Variants in RPS24 observed in about 807,000 individuals in gnomAD.
The protein encoded by RPS24 is small ribosomal subunit protein eS24.
For synonymous variants in RPS24, 72 were observed against 55.6 expected (o/e 1.30, Z -1.31); for missense variants, 100 against 162.5 (o/e 0.62, Z 2.09).
chr10:78,040,162 T>A, intron 4 of RPS24, 42 bp from the exon 5 acceptor site: 1 of 1,601,868 alleles, frequency 6.2e-7, no homozygotes, highest in East Asian at 2.2e-5. Flanking sequence ...AAATCTTTCT[T>A]TTCCCTCCTT....
chr10:78,051,910 T>A (rs1848102042), intron 4 of RPS24, among the ~76,000 whole-genome samples: 2 of 152,322 alleles, frequency 1.3e-5, no homozygotes, highest in South Asian at 4.1e-4. Context: ...ATGGGGTGAT[T>A]TGTCTTTTTA....
At chr10:78,056,731 G>A (rs1219408064) in exon 5 of RPS24, 8 of 152,252 alleles carry the variant, frequency 5.3e-5, no homozygotes, top group Admixed American at 5.2e-4. Context: ...AACAGCCAGA[G>A]TCTTGCTCAA....
In RPS24 at chr10:78,034,138, G is replaced by A. The variant is rs868797026; in HGVS notation, c.3+234G>A. 12 of 445,634 alleles carry A rather than the reference G, an allele frequency of 2.7e-5. 1 individual carries two copies. In the Middle Eastern group the frequency reaches 2.0e-3, roughly 74 times the overall value. The allele number at this position is 445,634 out of a possible 1,614,324, so 27.6% of individuals were successfully genotyped here. A position where few individuals can be genotyped will look rare whatever the true frequency, so the allele number is the denominator to read the frequency against. On this transcript the variant is annotated intron_variant, in intron 1 of 5. Transcript: ENST00000372360. ...GGGCTCCAGCGCCTGGGCAGTGCAG[G>A]AGCTGTTGCGCTTGTTGACTTCGTG...
intron 4 of RPS24, among the ~76,000 whole-genome samples, chr10:78,047,785 G>A (rs1364217978): frequency 1.3e-5 from 2 of 152,206 alleles, no homozygotes; most frequent in Non-Finnish European, 2.9e-5. Flanking sequence ...TATTGGGGGA[G>A]GTGGGGGCCG....
chr10:78,049,409 G>T (rs1402911918), intron 4 of RPS24, among the ~76,000 whole-genome samples: 1 of 152,150 alleles, frequency 6.6e-6, no homozygotes, highest in Non-Finnish European at 1.5e-5. Flanking sequence ...TTAGGGAGGA[G>T]GCCTTCTGCT....
In RPS24 at chr10:78,040,600, T is replaced by A; in HGVS notation, c.*20-15T>A. On this transcript the variant is annotated splice_polypyrimidine_tract_variant and intron_variant, in intron 5 of 5. Transcript: ENST00000372360. ...AAGGCAGTTGTTGACTAAACTTCTT[T>A]CTCTTGATTCACAGCCGAAGGAGTA... 2 of 1,607,678 alleles carry A rather than the reference T, an allele frequency of 1.2e-6. No individual in the cohort carries two copies. Among genetic ancestry groups the A allele is most frequent in the Non-Finnish European group, 1.7e-6 (2 of 1,174,054 alleles).
At chr10:78,040,319 T>C (rs1847966006) in intron 5 of RPS24, 94 bp downstream of exon 5, 8 of 1,009,290 alleles carry the variant, frequency 7.9e-6, no homozygotes, top group South Asian at 7.9e-5. Flanking sequence ...GTAGTACATC[T>C]AGAAGTAGAT....
chr10:78,052,097 C>T (rs888125175), intron 4 of RPS24, among the ~76,000 whole-genome samples: 3 of 152,110 alleles, frequency 2.0e-5, no homozygotes, highest in Admixed American at 2.0e-4. Flanking sequence ...TTGATCTCGG[C>T]TCACTGCAAC....
chr10:78,048,054 T>C (rs748809236), intron 4 of RPS24, among the ~76,000 whole-genome samples: 5 of 152,166 alleles, frequency 3.3e-5, no homozygotes, highest in African/African-American at 1.2e-4. Context: ...CACTATAAAA[T>C]TCTGCCCTGG....
intron 4 of RPS24, among the ~76,000 whole-genome samples, chr10:78,046,795 T>A (rs993665399): frequency 3.9e-5 from 6 of 152,304 alleles, no homozygotes; most frequent in African/African-American, 1.4e-4. Flanking sequence ...TTGTGGAACA[T>A]CTTGCCAAGG....
In RPS24 at chr10:78,037,574, T is replaced by G. The variant is rs529744523; in HGVS notation, c.390+270T>G. 8.9e-4 allele frequency: 393 copies of G among 441,488 alleles called. 1 individual carries two copies. The highest frequency in any genetic ancestry group is 7.2e-3 in the African/African-American group (360 of 50,134). 27.3% of individuals were successfully genotyped at this position (441,488 alleles called of 1,614,324 possible). A position where few individuals can be genotyped will look rare whatever the true frequency, so the allele number is the denominator to read the frequency against. ...ATTGATCCCAGCTGGTGGGCACCTT[T>G]CAAGCCTATCACAAGAAGTTTTAAT... On this transcript the variant is annotated intron_variant, in intron 4 of 5. Transcript: ENST00000372360.
At position 78,037,191 on chromosome 10, in the gene RPS24, C is replaced by T. The variant is rs757540029; in HGVS notation, c.280-3C>T. 2.5e-6 allele frequency: 4 copies of T among 1,598,054 alleles called. No homozygotes were observed. Among genetic ancestry groups the T allele is most frequent in the Non-Finnish European group, 2.6e-6 (3 of 1,172,656 alleles). On this transcript the variant is annotated splice_polypyrimidine_tract_variant and splice_region_variant and intron_variant, in intron 3 of 5. Coordinates refer to ENST00000372360, the MANE Select transcript of RPS24 (RefSeq NM_033022.4). The stretch of plus-strand genomic sequence containing the variant: ...CACCTGGATGTACTCTTTTCTCATT[C>T]AGCATGGCCTGTATGAGAAGAAAAA...
intron 1 of RPS24, 190 bp downstream of exon 1, chr10:78,034,094 C>T (rs1473715026): frequency 4.3e-6 from 3 of 705,084 alleles, no homozygotes; most frequent in East Asian, 5.3e-5. Flanking sequence ...GCGCTGTAGA[C>T]CCGGACACGC....
intron 4 of RPS24, among the ~76,000 whole-genome samples, chr10:78,047,571 CTCTT>C (rs1335087846): frequency 6.9e-6 from 1 of 145,962 alleles, no homozygotes; most frequent in Admixed American, 6.8e-5. Flanking sequence ...GGAGAGGTCA[CTCTT>C]TCTTCTCAGA....
intron 4 of RPS24, chr10:78,054,447 T>A (rs1409930994): frequency 8.0e-7 from 1 of 1,255,982 alleles, no homozygotes; most frequent in Admixed American, 2.6e-5. Context: ...AGGTGCAGAA[T>A]CCCAGGCCAC....
downstream of RPS24, chr10:78,040,849 A>G (rs952663047): frequency 7.9e-6 from 5 of 631,898 alleles, no homozygotes; most frequent in Non-Finnish European, 1.4e-5. Flanking sequence ...TGCTTGGTTT[A>G]TAGCTTAGGT....
chr10:78,042,993 G>A (rs138199409), downstream of RPS24, among the ~76,000 whole-genome samples: 70 of 121,240 alleles, frequency 5.8e-4, no homozygotes, highest in African/African-American at 1.6e-3. Flanking sequence ...ATTAATCTGC[G>A]CGCGCACACA....
At chr10:78,054,419 C>T in intron 4 of RPS24, 2 of 1,007,218 alleles carry the variant, frequency 2.0e-6, no homozygotes, top group Non-Finnish European at 2.9e-6. Context: ...GCTGATCTTC[C>T]CTGGTACCAA....
At chr10:78,035,237 T>C in intron 1 of RPS24, 115 bp from the exon 2 acceptor site, 1 of 1,037,526 alleles carries the variant, frequency 9.6e-7, no homozygotes, top group East Asian at 2.4e-5. Flanking sequence ...TTACTTTAGT[T>C]CGCTACATGA....
Sources: allele counts gnomAD v4.1 joint callset (sites outside exome capture counted in the v4.1 genomes callset), GRCh38; gene constraint gnomAD v4.1.1; transcripts MANE v1.5; gene names NCBI Gene and HGNC (gene_info 2026-07-23, HGNC 2026-07-21).